Variants in SLC16A7 observed in about 807,000 individuals in gnomAD.
The protein encoded by SLC16A7 is monocarboxylate transporter 2.
A neutral mutation model predicts 34.9 loss-of-function variants in SLC16A7; 33 were observed. The ratio of observed to expected loss-of-function variants is 0.94; its 90% CI spans 0.72 to 1.26. The LOEUF (loss-of-function observed/expected upper bound fraction) is 1.26, where lower values mean the gene tolerates loss of function less well. Ranked by LOEUF, SLC16A7 falls within the 50% of genes most tolerant of loss-of-function variation. The pLI, the probability that SLC16A7 is intolerant of heterozygous loss-of-function variation, is 0.00. For synonymous variants in SLC16A7, 201 were observed against 206.6 expected (o/e 0.97, Z 0.23); for missense variants, 573 against 578.1 (o/e 0.99, Z 0.09).
chr12:59,730,172 C>T (rs1876765198), intron 3 of SLC16A7, among the ~76,000 whole-genome samples: 1 of 151,050 alleles, frequency 6.6e-6, no homozygotes, highest in Admixed American at 6.6e-5. Flanking sequence ...AACATATTTC[C>T]TCACTGTTTG....
chr12:59,612,057 G>T (rs1429761133), intron 1 of SLC16A7, among the ~76,000 whole-genome samples: 3 of 152,204 alleles, frequency 2.0e-5, no homozygotes, highest in South Asian at 4.1e-4. Flanking sequence ...TCTCCTCACA[G>T]TTCCACCAGG....
At position 59,789,493 on chromosome 12, in the gene SLC16A7, G is replaced by A. The variant is rs915247295; in HGVS notation, c.*9814G>A. 4.0e-5 allele frequency: 6 copies of A among 151,892 alleles called. No homozygotes were observed. The highest frequency in any genetic ancestry group is 7.3e-5 in the African/African-American group (3 of 41,368). The allele number at this position is 151,892 out of a possible 1,614,324, so 9.4% of individuals were successfully genotyped here. ...TGTATTTAAGCTTCCTGGAAATGTCGACAATCATTTTAATGACCAAAGGTG... is the reference window on the plus strand; with the variant it reads ...TGTATTTAAGCTTCCTGGAAATGTCAACAATCATTTTAATGACCAAAGGTG... On this transcript the variant is annotated 3_prime_UTR_variant, in exon 6 of 6. Transcript: ENST00000547379.
At position 59,764,588 on chromosome 12, in the gene SLC16A7, T is replaced by A. The variant is rs189118221; in HGVS notation, c.218-6631T>A. Among the ~76,000 whole-genome samples, 790 of 151,504 alleles carry A rather than the reference T, an allele frequency of 5.2e-3. 8 individuals are homozygous for A. The highest frequency in any genetic ancestry group is 0.015 in the African/African-American group (613 of 41,302). On this transcript the variant is annotated intron_variant, in intron 3 of 5. Coordinates refer to ENST00000547379, the MANE Select transcript of SLC16A7 (RefSeq NM_001270623.2). The stretch of plus-strand genomic sequence containing the variant: ...GTGAGTGAGAACACGTGGTGTTTGG[T>A]TTTTTGTCCTTGCGATAGTTTGCTG...
chr12:59,628,626 A>G (rs1239431022), intron 1 of SLC16A7, among the ~76,000 whole-genome samples: 1 of 151,686 alleles, frequency 6.6e-6, no homozygotes, highest in African/African-American at 2.4e-5. Context: ...GGGAAAAAAC[A>G]CATCATATTC....
intron 1 of SLC16A7, among the ~76,000 whole-genome samples, chr12:59,605,589 C>A (rs1878899193): frequency 6.6e-6 from 1 of 152,182 alleles, no homozygotes; most frequent in South Asian, 2.1e-4. Context: ...CTGCTGTGTT[C>A]CAGACACTGT....
rs1883429279 is a variant in SLC16A7 at position 59,783,863 on chromosome 12, A to T, written c.*4184A>T. The T allele has an allele frequency of 1.3e-5, 2 of 151,654 alleles. No homozygotes were observed. The highest frequency in any genetic ancestry group is 2.9e-5 in the Non-Finnish European group (2 of 68,034). The allele number at this position is 151,654 out of a possible 1,614,324, so 9.4% of individuals were successfully genotyped here. ...TTGTTTTGTTTTGTTTTGTTTTAGT[A>T]GAGATGGGGTTTCTCCTTGTTGGTC... On this transcript the variant is annotated 3_prime_UTR_variant, in exon 6 of 6. Coordinates refer to ENST00000547379, the MANE Select transcript of SLC16A7 (RefSeq NM_001270623.2).
intron 3 of SLC16A7, among the ~76,000 whole-genome samples, chr12:59,714,863 C>CCT (rs1874716171): frequency 6.6e-6 from 1 of 152,102 alleles, no homozygotes; most frequent in African/African-American, 2.4e-5. Context: ...ACATGCCCGG[C>CCT]CTCTCTCTCT....
chr12:59,732,474 C>A (rs1877069674), intron 3 of SLC16A7, among the ~76,000 whole-genome samples: 1 of 152,126 alleles, frequency 6.6e-6, no homozygotes, highest in South Asian at 2.1e-4. Context: ...ATAATGGCTC[C>A]TGAATCTTTT....
At chr12:59,602,187 T>C (rs1284307696) in intron 1 of SLC16A7, among the ~76,000 whole-genome samples, 3 of 152,208 alleles carry the variant, frequency 2.0e-5, no homozygotes, top group African/African-American at 7.2e-5. Context: ...AAAATAATAC[T>C]CTTGTATAAA....
intron 2 of SLC16A7, among the ~76,000 whole-genome samples, chr12:59,695,344 G>A (rs538133207): frequency 2.0e-5 from 3 of 151,948 alleles, no homozygotes; most frequent in East Asian, 1.9e-4. Flanking sequence ...TGCTGTTCTC[G>A]AATTACCCAG....
At chr12:59,607,561 T>C (rs1879002765) in intron 1 of SLC16A7, among the ~76,000 whole-genome samples, 1 of 152,162 alleles carries the variant, frequency 6.6e-6, no homozygotes, top group South Asian at 2.1e-4. Flanking sequence ...AAATCACTGA[T>C]CTAGGATATT....
intron 1 of SLC16A7, among the ~76,000 whole-genome samples, chr12:59,638,715 G>A (rs1445396973): frequency 6.6e-6 from 1 of 152,094 alleles, no homozygotes; most frequent in East Asian, 1.9e-4. Flanking sequence ...AATTAACACA[G>A]GAAACATGAT....
In SLC16A7 at chr12:59,771,221, C is replaced by T; in HGVS notation, c.220C>T (p.Pro74Ser). 1 of 1,611,540 alleles carries T rather than the reference C, an allele frequency of 6.2e-7. No individual in the cohort carries two copies. The highest frequency in any genetic ancestry group is 8.5e-7 in the Non-Finnish European group (1 of 1,178,766). ...TCTTTATCTCCTCTCTGCTGTAGGT[C>T]CTGTAAGTAGTGTTTTGGTGAATAA... is the stretch of plus-strand genomic sequence containing the variant. Reference protein sequence around the residue: ...IMLAVMYAGGPVSSVLVNKYG... With the variant: ...IMLAVMYAGGSVSSVLVNKYG... Residue 74 changes from proline to serine, a missense_variant and splice_region_variant, in exon 4 of 6, where the codon CCT becomes TCT. Coordinates refer to ENST00000547379, the MANE Select transcript of SLC16A7 (RefSeq NM_001270623.2).
intron 2 of SLC16A7, among the ~76,000 whole-genome samples, chr12:59,677,900 A>T (rs1870435896): frequency 6.6e-6 from 1 of 152,238 alleles, no homozygotes; most frequent in Admixed American, 6.5e-5. Context: ...TTCACAAGCC[A>T]GAAACCTCTG....
In SLC16A7 at chr12:59,741,792, C is replaced by G. The variant is rs12296752; in HGVS notation, c.218-29427C>G. 3.8e-3 allele frequency among the ~76,000 whole-genome samples: 581 copies of G among 152,208 alleles called. 4 individuals carry two copies. Among genetic ancestry groups the G allele is most frequent in the Non-Finnish European group, 7.0e-3 (479 of 68,016 alleles). ...GAAAGGAGTGTGTGTTCAATGTTCA[C>G]TTTGTTGCCTGCCAGTCCTCCTGTT... is the stretch of plus-strand genomic sequence containing the variant. On this transcript the variant is annotated intron_variant, in intron 3 of 5. Transcript: ENST00000547379.
intron 1 of SLC16A7, among the ~76,000 whole-genome samples, chr12:59,613,722 T>G (rs914584289): frequency 1.3e-5 from 2 of 152,166 alleles, no homozygotes; most frequent in Non-Finnish European, 1.5e-5. Context: ...AATGAAATAC[T>G]TCATTGTTAA....
Position 59,782,926 on chromosome 12 carries a change from C to T in SLC16A7, c.*3247C>T, listed in dbSNP as rs953505551. ...CTTTAGCTCATGGACTCATTGGCCT[C>T]AGCCTAATACTAAGAAACAAGTAAA... On this transcript the variant is annotated 3_prime_UTR_variant, in exon 6 of 6. Transcript: ENST00000547379. 6 of 152,138 alleles carry T rather than the reference C, an allele frequency of 3.9e-5. No homozygotes were observed. Among genetic ancestry groups the T allele is most frequent in the African/African-American group, 2.4e-5 (1 of 41,448 alleles). The allele number at this position is 152,138 out of a possible 1,614,324, so 9.4% of individuals were successfully genotyped here. A position where few individuals can be genotyped will look rare whatever the true frequency, so the allele number is the denominator to read the frequency against.
intron 3 of SLC16A7, among the ~76,000 whole-genome samples, chr12:59,721,924 C>T (rs1396896412): frequency 2.6e-5 from 4 of 151,872 alleles, no homozygotes; most frequent in African/African-American, 4.8e-5. Flanking sequence ...TTCTTCCTTT[C>T]CCCTTAAATT....
At chr12:59,644,620 A>T (rs140536163) in intron 1 of SLC16A7, among the ~76,000 whole-genome samples, 1 of 152,272 alleles carries the variant, frequency 6.6e-6, no homozygotes, top group African/African-American at 2.4e-5. Flanking sequence ...TTTAGAAGTT[A>T]CCTTGGACCT....
Sources: allele counts gnomAD v4.1 joint callset (sites outside exome capture counted in the v4.1 genomes callset), GRCh38; gene constraint gnomAD v4.1.1; transcripts MANE v1.5; gene names NCBI Gene and HGNC (gene_info 2026-07-23, HGNC 2026-07-21).